The following CCL26 variants were observed in gnomAD, a reference collection of about 807,000 sequenced individuals.
CCL26 encodes C-C motif chemokine ligand 26.
In CCL26, 10 loss-of-function variants were observed where a neutral mutation model predicts 10.7. That is an observed-to-expected ratio of 0.93 (90% confidence interval 0.57 to 1.58). The LOEUF (loss-of-function observed/expected upper bound fraction) is 1.58, where lower values mean the gene tolerates loss of function less well. Among genes scored for constraint, CCL26 ranks in the 40% most tolerant of loss-of-function variants. CCL26 has a pLI of 0.00. For missense variants in CCL26, 116 were observed against 111.0 expected (o/e 1.05, Z -0.20); for synonymous variants, 43 against 41.4 (o/e 1.04, Z -0.15).
At chr7:75,773,691 C>A (rs1341099790), upstream of CCL26, among the ~76,000 whole-genome samples, 1 of 151,946 alleles carries the variant, frequency 6.6e-6, no homozygotes, top group Non-Finnish European at 1.5e-5. Flanking sequence ...GCCTGGCGAA[C>A]ATGGTGAAAC....
chr7:75,774,938 G>T (rs984173392), upstream of CCL26, among the ~76,000 whole-genome samples: 2 of 151,630 alleles, frequency 1.3e-5, no homozygotes, highest in Non-Finnish European at 2.9e-5. Flanking sequence ...AAGAATTATT[G>T]GTCGGGCCCG....
intron 1 of CCL26, among the ~76,000 whole-genome samples, chr7:75,785,431 A>G (rs1803162785): frequency 6.6e-6 from 1 of 151,912 alleles, no homozygotes; most frequent in Non-Finnish European, 1.5e-5. Context: ...TCAACAAGAC[A>G]CTCTCCTGCT....
At chr7:75,789,067 G>A (rs576720458) in intron 1 of CCL26, among the ~76,000 whole-genome samples, 4 of 150,590 alleles carry the variant, frequency 2.7e-5, no homozygotes, top group South Asian at 2.1e-4. Flanking sequence ...GACTACAGGT[G>A]CGCACCACCG....
At chr7:75,777,329 G>C (rs1802963011) in intron 1 of CCL26, among the ~76,000 whole-genome samples, 1 of 152,140 alleles carries the variant, frequency 6.6e-6, no homozygotes, top group Non-Finnish European at 1.5e-5. Flanking sequence ...AACTGGAAAT[G>C]ACCCTCATGT....
At chr7:75,771,329 C>A (rs914074223) in intron 2 of CCL26, among the ~76,000 whole-genome samples, 2 of 152,162 alleles carry the variant, frequency 1.3e-5, no homozygotes, top group Non-Finnish European at 1.5e-5. Context: ...CAGAAAGGAA[C>A]CCTGCACTCA....
intron 1 of CCL26, among the ~76,000 whole-genome samples, chr7:75,784,658 T>A (rs879962026): frequency 3.3e-5 from 5 of 152,124 alleles, no homozygotes; most frequent in Admixed American, 6.6e-5. Flanking sequence ...TTTTTAGTTA[T>A]CCCCACCTGC....
chr7:75,777,836 T>TC (rs1310560576), intron 1 of CCL26, among the ~76,000 whole-genome samples: 2 of 151,786 alleles, frequency 1.3e-5, no homozygotes, highest in African/African-American at 4.8e-5. Flanking sequence ...TTTTTTTTTT[T>TC]TGAGATGGAG....
chr7:75,791,485 G>C (rs1416861562), upstream of CCL26, among the ~76,000 whole-genome samples: 3 of 152,038 alleles, frequency 2.0e-5, no homozygotes, highest in East Asian at 5.8e-4. Context: ...GTTGCTTCCT[G>C]GGCTCCAGAT....
chr7:75,790,182 T>TTCCTTCCTTC (rs1554530622), upstream of CCL26, among the ~76,000 whole-genome samples: 6 of 82,120 alleles, frequency 7.3e-5, no homozygotes, highest in African/African-American at 2.7e-4. Context: ...TTCCTTCCTT[T>TTCCTTCCTTC]CTTTCTTTCT....
chr7:75,786,291 A>C (rs922882862), intron 1 of CCL26, among the ~76,000 whole-genome samples: 4 of 152,106 alleles, frequency 2.6e-5, no homozygotes, highest in Non-Finnish European at 5.9e-5. Flanking sequence ...TATTGATGGC[A>C]GTTCCACCAG....
intron 1 of CCL26, among the ~76,000 whole-genome samples, chr7:75,778,850 G>GGGT (rs1802999121): frequency 1.3e-5 from 2 of 151,936 alleles, no homozygotes; most frequent in African/African-American, 2.4e-5. Context: ...GGCCAAGGTG[G>GGGT]GGGGGGCAGA....
rs1178088819 is a variant in CCL26, at chr7:75,782,207, TACAG to T, written c.-79+7506_-79+7509del. Among the ~76,000 whole-genome samples the T allele has an allele frequency of 9.9e-5, 15 of 152,274 alleles. No homozygotes were observed. In the East Asian group the frequency reaches 1.2e-3, roughly 12 times the overall value. ...AATTTCAATTCCTTTCATTTTCTGG[TACAG>T]ACAAAGGAGACACATTTTATTCGTG... On this transcript the variant is annotated intron_variant, in intron 1 of 3. Transcript: ENST00000394905.
At chr7:75,777,513 C>T (rs1181164433) in intron 1 of CCL26, among the ~76,000 whole-genome samples, 3 of 151,738 alleles carry the variant, frequency 2.0e-5, no homozygotes, top group African/African-American at 7.3e-5. Context: ...TTTAGGAAGC[C>T]GAGATAGGAG....
intron 1 of CCL26, among the ~76,000 whole-genome samples, chr7:75,782,437 C>T (rs1803085595): frequency 6.6e-6 from 1 of 152,116 alleles, no homozygotes; most frequent in African/African-American, 2.4e-5. Flanking sequence ...TGCTCACCCA[C>T]ATTGCAGCCC....
chr7:75,782,104 T>G (rs1479812293), intron 1 of CCL26, among the ~76,000 whole-genome samples: 3 of 152,138 alleles, frequency 2.0e-5, no homozygotes, highest in African/African-American at 7.2e-5. Flanking sequence ...TTTACTCTCT[T>G]CTCCAACCTC....
At chr7:75,777,721 G>GAAAAAAAAAA (rs60039632) in intron 1 of CCL26, among the ~76,000 whole-genome samples, 4,961 of 60,476 alleles carry the variant, frequency 0.082, 1,560 homozygotes, top group Middle Eastern at 0.12. Context: ...TCCTGTCTCA[G>GAAAAAAAAAA]AAAAAAAAAA....
upstream of CCL26, among the ~76,000 whole-genome samples, chr7:75,776,513 AAAGGAAGG>A (rs58177095): frequency 0.15 from 16,291 of 108,508 alleles, 1,657 homozygotes; most frequent in African/African-American, 0.15. Flanking sequence ...TGCACTCCAA[AAAGGAAGG>A]AAGGAAGGAA....
chr7:75,773,025 C>T (rs1180013577), upstream of CCL26, among the ~76,000 whole-genome samples: 3 of 152,012 alleles, frequency 2.0e-5, no homozygotes, highest in East Asian at 1.9e-4. Context: ...AGCCCAACCT[C>T]GACAATGGAT....
chr7:75,782,754 C>T (rs1803091367), intron 1 of CCL26, among the ~76,000 whole-genome samples: 1 of 152,106 alleles, frequency 6.6e-6, no homozygotes, highest in Non-Finnish European at 1.5e-5. Context: ...GCCTGAGGTG[C>T]CTGACGTCCA....
Sources: allele counts gnomAD v4.1 joint callset (sites outside exome capture counted in the v4.1 genomes callset), GRCh38; gene constraint gnomAD v4.1.1; transcripts MANE v1.5; gene names NCBI Gene and HGNC (gene_info 2026-07-23, HGNC 2026-07-21).